TTC27: variants seen among roughly 807,000 people sequenced by gnomAD.
TTC27 encodes the protein tetratricopeptide repeat domain 27, also known as tetratricopeptide repeat protein 27.
Under a neutral mutation model 115.9 loss-of-function variants are expected in TTC27, and 79 were observed. The ratio of observed to expected loss-of-function variants is 0.68; its 90% CI spans 0.57 to 0.82. TTC27 has a LOEUF of 0.82. Among genes scored for constraint, TTC27 ranks in the 40% least tolerant of loss-of-function variants. TTC27 has a pLI of 0.00. For missense variants in TTC27, 1,054 were observed against 993.1 expected (o/e 1.06, Z -0.82); for synonymous variants, 401 against 356.0 (o/e 1.13, Z -1.42).
At chr2:32,787,235 C>T (rs879930552) in intron 16 of TTC27, 86 bp downstream of exon 16, 20 of 1,454,312 alleles carry the variant, frequency 1.4e-5, no homozygotes, top group South Asian at 7.5e-5. Flanking sequence ...TGAATATGCA[C>T]AGGAAAATTT....
chr2:32,751,942 A>G (rs1179203062), intron 12 of TTC27, among the ~76,000 whole-genome samples: 4 of 152,350 alleles, frequency 2.6e-5, no homozygotes, highest in South Asian at 2.1e-4. Flanking sequence ...TGTTATACAT[A>G]TCAAGTTTGA....
chr2:32,697,839 C>T (rs1298191120), intron 9 of TTC27, among the ~76,000 whole-genome samples: 1 of 152,090 alleles, frequency 6.6e-6, no homozygotes, highest in Non-Finnish European at 1.5e-5. Flanking sequence ...GCAACCTCTC[C>T]CTCCTGGGTT....
intron 3 of TTC27, among the ~76,000 whole-genome samples, chr2:32,636,112 G>C (rs1207270023): frequency 6.6e-6 from 1 of 152,106 alleles, no homozygotes; most frequent in Non-Finnish European, 1.5e-5. Flanking sequence ...TCAGTTTCTG[G>C]CTTCTATGGC....
intron 3 of TTC27, among the ~76,000 whole-genome samples, chr2:32,637,398 C>G (rs1664469435): frequency 6.6e-6 from 1 of 151,982 alleles, no homozygotes; most frequent in Non-Finnish European, 1.5e-5. Context: ...GTGGCGCAAT[C>G]TCAGCTCACT....
At chr2:32,670,109 G>A (rs956316888) in intron 7 of TTC27, among the ~76,000 whole-genome samples, 1 of 151,416 alleles carries the variant, frequency 6.6e-6, no homozygotes, top group Non-Finnish European at 1.5e-5. Context: ...AACTTCTGAC[G>A]TCGGGTGATC....
intron 9 of TTC27, among the ~76,000 whole-genome samples, chr2:32,684,473 G>A (rs2151891797): frequency 6.6e-6 from 1 of 152,108 alleles, no homozygotes. Context: ...TTAAGTGAGT[G>A]TGAATTGATA....
intron 12 of TTC27, among the ~76,000 whole-genome samples, chr2:32,756,308 G>A (rs1179923725): frequency 6.6e-6 from 1 of 152,222 alleles, no homozygotes; most frequent in African/African-American, 2.4e-5. Context: ...CAAAAATTCT[G>A]CTGCGGCTAC....
rs997248952 is a variant in TTC27, at chr2:32,787,066, AG to A, written c.1916del (p.Ser639ThrfsTer33). On this transcript the variant is annotated frameshift_variant, in exon 16 of 20. Coordinates refer to ENST00000317907, the MANE Select transcript of TTC27 (RefSeq NM_017735.5). LOFTEE classifies it high-confidence loss of function. ...WQIWENYILTSTDVGEFSEAI... is the reference protein window; with the variant it reads ...WQIWENYILTXTDVGEFSEAI... ...GATTTGGGAAAACTACATCCTCACC[AG>A]CACTGACGTTGGGGAATTTTCAGAA... 2 of 1,614,042 alleles carry A rather than the reference AG, an allele frequency of 1.2e-6. No homozygotes were observed. The highest frequency in any genetic ancestry group is 2.7e-5 in the African/African-American group (2 of 74,946).
chr2:32,710,401 T>A (rs370558911), intron 10 of TTC27, among the ~76,000 whole-genome samples: 134 of 151,802 alleles, frequency 8.8e-4, no homozygotes, highest in African/African-American at 3.2e-3. Context: ...AAAAAGTGAA[T>A]CTTTTAGGTG....
chr2:32,798,704 C>CAAAAA (rs1168987401), intron 16 of TTC27, among the ~76,000 whole-genome samples: 185 of 121,100 alleles, frequency 1.5e-3, no homozygotes, highest in African/African-American at 4.6e-3. Flanking sequence ...GACTCCAGCT[C>CAAAAA]AAAAAAAAAA....
intron 5 of TTC27, among the ~76,000 whole-genome samples, chr2:32,660,914 A>G (rs1665523634): frequency 6.6e-6 from 1 of 152,158 alleles, no homozygotes; most frequent in African/African-American, 2.4e-5. Flanking sequence ...CTTACGTTTA[A>G]GTCTTTAATC....
chr2:32,754,340 A>G (rs535023183), intron 12 of TTC27, among the ~76,000 whole-genome samples: 1 of 149,560 alleles, frequency 6.7e-6, no homozygotes, highest in African/African-American at 2.5e-5. Flanking sequence ...GGGAGTGGCG[A>G]TGACTCTTAA....
At chr2:32,668,542 C>T (rs954654544) in intron 7 of TTC27, among the ~76,000 whole-genome samples, 3 of 45,772 alleles carry the variant, frequency 6.6e-5, no homozygotes, top group African/African-American at 3.0e-4. Context: ...CCCTTCCTCC[C>T]TCCCTCCCTC....
chr2:32,779,971 A>G (rs1353199151), intron 14 of TTC27: 1 of 328,196 alleles, frequency 3.0e-6, no homozygotes, highest in African/African-American at 2.1e-5. Context: ...GTGGTCAAAA[A>G]TTAATTGACT....
At chr2:32,753,232 C>T (rs534191435) in intron 12 of TTC27, among the ~76,000 whole-genome samples, 18 of 152,148 alleles carry the variant, frequency 1.2e-4, no homozygotes, top group African/African-American at 3.9e-4. Context: ...GGACTCCAAG[C>T]GAGGATTGCA....
chr2:32,740,486 C>T (rs1423557689), intron 12 of TTC27, among the ~76,000 whole-genome samples: 2 of 148,876 alleles, frequency 1.3e-5, no homozygotes, highest in Admixed American at 1.3e-4. Flanking sequence ...ATTCTTTATA[C>T]AGTTTAAAAG....
intron 10 of TTC27, among the ~76,000 whole-genome samples, chr2:32,719,817 G>A (rs140257894): frequency 1.9e-3 from 284 of 152,146 alleles, no homozygotes; most frequent in Non-Finnish European, 2.9e-3. Flanking sequence ...GCACAGTACC[G>A]GAAGCTCCCC....
intron 13 of TTC27, among the ~76,000 whole-genome samples, chr2:32,774,877 G>C (rs888936683): frequency 6.6e-6 from 1 of 152,130 alleles, no homozygotes; most frequent in African/African-American, 2.4e-5. Flanking sequence ...AGCAGTTAAC[G>C]ATCCTAGGAT....
intron 4 of TTC27, among the ~76,000 whole-genome samples, chr2:32,646,696 T>G (rs1664876909): frequency 6.6e-6 from 1 of 151,266 alleles, no homozygotes; most frequent in African/African-American, 2.4e-5. Context: ...CCCAAGTAGC[T>G]GGGACTACAG....
Sources: allele counts gnomAD v4.1 joint callset (sites outside exome capture counted in the v4.1 genomes callset), GRCh38; gene constraint gnomAD v4.1.1; transcripts MANE v1.5; gene names NCBI Gene and HGNC (gene_info 2026-07-23, HGNC 2026-07-21).